The following CMIP variants were observed in gnomAD, a reference collection of about 807,000 sequenced individuals.
CMIP encodes c-Maf inducing protein, also known as C-Maf-inducing protein.
A neutral mutation model predicts 97.3 loss-of-function variants in CMIP; 13 were observed. The ratio of observed to expected loss-of-function variants is 0.13; its 90% CI spans 0.09 to 0.21. CMIP has a LOEUF of 0.21. Ranked by LOEUF, CMIP falls within the 10% of genes least tolerant of loss-of-function variation. CMIP has a pLI of 1.00. For missense variants in CMIP, 847 were observed against 1,024.9 expected, an observed-to-expected ratio of 0.83 and a Z score of 2.37; for synonymous variants, 538 against 436.3, an observed-to-expected ratio of 1.23 and a Z score of -2.91.
At chr16:81,650,097 C>A (rs1282242421) in intron 3 of CMIP, among the ~76,000 whole-genome samples, 1 of 152,224 alleles carries the variant, frequency 6.6e-6, no homozygotes, top group East Asian at 1.9e-4. Flanking sequence ...TAATGAAGTT[C>A]AGCCAGTAGT....
Position 81,603,005 on chromosome 16 carries a change from C to G in CMIP, c.301-4562C>G, listed in dbSNP as rs1310385196. On this transcript the variant is annotated intron_variant, in intron 1 of 20. Coordinates refer to ENST00000537098, the MANE Select transcript of CMIP (RefSeq NM_198390.3). ...GCGTTCAGAGGCTTTCCATCCCAAT[C>G]CAGCCCATGTCCCCTGCAAGCCTCC... Among the ~76,000 whole-genome samples the G allele has an allele frequency of 2.6e-5, 4 of 152,228 alleles. No homozygotes were observed. The East Asian group carries it at 7.7e-4, about 29-fold the overall frequency.
At chr16:81,637,097 T>A (rs2092246794) in intron 3 of CMIP, among the ~76,000 whole-genome samples, 1 of 151,962 alleles carries the variant, frequency 6.6e-6, no homozygotes, top group East Asian at 1.9e-4. Flanking sequence ...TGAGACAGAG[T>A]TTCGCTCTTG....
chr16:81,673,240 G>A (rs968582464), intron 9 of CMIP, among the ~76,000 whole-genome samples: 1 of 152,278 alleles, frequency 6.6e-6, no homozygotes, highest in East Asian at 1.9e-4. Flanking sequence ...GTGAGGCTGG[G>A]CGCAGTAGCT....
chr16:81,469,415 C>T lies in CMIP; in HGVS notation c.300+23874C>T, dbSNP rs564197213. 5.1e-4 allele frequency among the ~76,000 whole-genome samples: 77 copies of T among 152,348 alleles called. 1 individual carries two copies. The highest frequency in any genetic ancestry group is 6.8e-3 in the Middle Eastern group (2 of 294). On this transcript the variant is annotated intron_variant, in intron 1 of 20. Transcript: ENST00000537098. The stretch of plus-strand genomic sequence containing the variant: ...CAGATAGCGGTACCAACTCCATGGG[C>T]TTCTGTGAAGGATTCAGTGAGATAA...
At chr16:81,563,066 C>CCCG (rs1567581501) in intron 1 of CMIP, among the ~76,000 whole-genome samples, 1 of 152,228 alleles carries the variant, frequency 6.6e-6, no homozygotes, top group African/African-American at 2.4e-5. Flanking sequence ...AAGGCGCTGA[C>CCCG]CCGCCAGAGG....
At chr16:81,513,907 A>T (rs1306991158) in intron 1 of CMIP, among the ~76,000 whole-genome samples, 2 of 152,170 alleles carry the variant, frequency 1.3e-5, no homozygotes, top group African/African-American at 4.8e-5. Flanking sequence ...CCCTCAGCCT[A>T]GGTGGGGCAT....
intron 1 of CMIP, chr16:81,476,457 G>T (rs1415225931): frequency 9.3e-6 from 8 of 864,636 alleles, no homozygotes; most frequent in Admixed American, 1.8e-5. Context: ...ACAGCTCGAA[G>T]GAGATGCGGC....
At chr16:81,588,489 C>T (rs2091417836) in intron 1 of CMIP, among the ~76,000 whole-genome samples, 1 of 152,146 alleles carries the variant, frequency 6.6e-6, no homozygotes, top group Non-Finnish European at 1.5e-5. Context: ...GGTGCTGTAC[C>T]TTGGGAGGCG....
rs753674322 is a variant in CMIP at position 81,536,673 on chromosome 16, C to T, written c.301-70894C>T. 8.5e-5 allele frequency among the ~76,000 whole-genome samples: 13 copies of T among 152,066 alleles called. No homozygotes were observed. In the Middle Eastern group the frequency reaches 0.017, roughly 199 times the overall value. On this transcript the variant is annotated intron_variant, in intron 1 of 20. Coordinates refer to ENST00000537098, the MANE Select transcript of CMIP (RefSeq NM_198390.3). ...GTAGAACTTATTTAGAGCAGGAGGCCGAGGGACAACAGCACCAGCCTTTGT... is the reference window on the plus strand; with the variant it reads ...GTAGAACTTATTTAGAGCAGGAGGCTGAGGGACAACAGCACCAGCCTTTGT...
intron 14 of CMIP, chr16:81,698,119 T>A (rs1034095989): frequency 6.7e-6 from 1 of 148,222 alleles, no homozygotes; most frequent in African/African-American, 2.5e-5. Flanking sequence ...GCGGAAAAAA[T>A]ATACACAAGG....
intron 15 of CMIP, among the ~76,000 whole-genome samples, chr16:81,701,134 C>T (rs1226610180): frequency 2.1e-5 from 3 of 146,074 alleles, no homozygotes; most frequent in African/African-American, 5.1e-5. Flanking sequence ...AAAAAAAAAT[C>T]GTCATTGGAA....
At chr16:81,626,275 G>C (rs1352823617) in intron 3 of CMIP, among the ~76,000 whole-genome samples, 2 of 152,074 alleles carry the variant, frequency 1.3e-5, no homozygotes, top group East Asian at 3.9e-4. Context: ...GAGTGACTGA[G>C]TGTGACTGTG....
chr16:81,493,583 G>C (rs1281021712), intron 1 of CMIP, among the ~76,000 whole-genome samples: 1 of 152,238 alleles, frequency 6.6e-6, no homozygotes, highest in Non-Finnish European at 1.5e-5. Flanking sequence ...CAAGCCACCC[G>C]GGCCCAGCCT....
chr16:81,567,299 C>T (rs542374149), intron 1 of CMIP, among the ~76,000 whole-genome samples: 46 of 152,394 alleles, frequency 3.0e-4, no homozygotes, highest in African/African-American at 1.1e-3. Context: ...GTCCTAGAAG[C>T]ATGTCATGCA....
At position 81,711,502 on chromosome 16, in the gene CMIP, G is replaced by C. The variant is rs960975837; in HGVS notation, c.*1703G>C. On this transcript the variant is annotated 3_prime_UTR_variant, in exon 21 of 21. Transcript: ENST00000537098. Reference sequence around the variant, plus strand: ...TTTTGTTGTTGTTTTTAGTTGTTTGGTTTTCTTTTCTTTCCCCCCTCCGGT... The same window carrying C: ...TTTTGTTGTTGTTTTTAGTTGTTTGCTTTTCTTTTCTTTCCCCCCTCCGGT... 1 of 150,032 alleles carries C rather than the reference G, an allele frequency of 6.7e-6. No individual in the cohort carries two copies. The allele number at this position is 150,032 out of a possible 1,614,324, so 9.3% of individuals were successfully genotyped here.
At chr16:81,603,732 A>G (rs1218575947) in intron 1 of CMIP, among the ~76,000 whole-genome samples, 1 of 152,172 alleles carries the variant, frequency 6.6e-6, no homozygotes, top group African/African-American at 2.4e-5. Context: ...AGTTTTGAGG[A>G]AAGTCCCTCA....
intron 9 of CMIP, among the ~76,000 whole-genome samples, chr16:81,678,013 C>T (rs1404506117): frequency 5.9e-5 from 9 of 152,296 alleles, no homozygotes; most frequent in Admixed American, 5.2e-4. Context: ...TTTTTGAGCA[C>T]CTGTTATGTG....
At chr16:81,615,071 CTGTG>C (rs764039635) in intron 2 of CMIP, among the ~76,000 whole-genome samples, 3 of 111,952 alleles carry the variant, frequency 2.7e-5, no homozygotes, top group African/African-American at 7.0e-5. Flanking sequence ...AGGTGTGTGT[CTGTG>C]TGGTATGTCT....
chr16:81,667,645 C>G (rs1192078162), intron 7 of CMIP, among the ~76,000 whole-genome samples: 2 of 151,964 alleles, frequency 1.3e-5, no homozygotes, highest in African/African-American at 4.8e-5. Context: ...TTCTGTGGAC[C>G]CTCATTCCAT....
Sources: allele counts gnomAD v4.1 joint callset (sites outside exome capture counted in the v4.1 genomes callset), GRCh38; gene constraint gnomAD v4.1.1; transcripts MANE v1.5; gene names NCBI Gene and HGNC (gene_info 2026-07-23, HGNC 2026-07-21).